DAPK2: variants seen among roughly 807,000 people sequenced by gnomAD.
DAPK2 encodes death-associated protein kinase 2.
A neutral mutation model predicts 44.1 loss-of-function variants in DAPK2; 35 were observed. The observed-to-expected ratio is 0.79, with a 90% CI of 0.61 to 1.05. The LOEUF is 1.05. Among genes scored for constraint, DAPK2 ranks in the 50% least tolerant of loss-of-function variants. DAPK2 has a pLI of 0.00. For missense variants in DAPK2, 453 were observed against 483.2 expected, an observed-to-expected ratio of 0.94 and a Z score of 0.59; for synonymous variants, 174 against 182.6, an observed-to-expected ratio of 0.95 and a Z score of 0.38.
chr15:63,952,017 A>G (rs1344422430), intron 3 of DAPK2, among the ~76,000 whole-genome samples: 1 of 152,154 alleles, frequency 6.6e-6, no homozygotes, highest in East Asian at 1.9e-4. Context: ...AGGCGGGCGG[A>G]TCACTTGAGG....
intron 2 of DAPK2, among the ~76,000 whole-genome samples, chr15:63,973,823 A>T (rs1306129758): frequency 6.6e-6 from 1 of 152,200 alleles, no homozygotes. Context: ...GCCAGAAACT[A>T]AAGACCTAGG....
At chr15:64,001,811 G>A (rs1258367972) in intron 1 of DAPK2, among the ~76,000 whole-genome samples, 1 of 152,178 alleles carries the variant, frequency 6.6e-6, no homozygotes, top group Non-Finnish European at 1.5e-5. Context: ...ATTAAAGTTT[G>A]AGAAGTGCTG....
chr15:63,929,425 G>T, intron 6 of DAPK2, 126 bp downstream of exon 7: 2 of 1,257,102 alleles, frequency 1.6e-6, no homozygotes, highest in Non-Finnish European at 2.3e-6. Context: ...TTGCTGTGTG[G>T]ACTTAACACA....
rs2078710413 is a variant in DAPK2 at position 63,908,811 on chromosome 15, A to G, written c.1033-211T>C. The G allele has an allele frequency of 4.9e-6, 2 of 408,386 alleles. No individual in the cohort carries two copies. The highest frequency in any genetic ancestry group is 8.7e-6 in the Non-Finnish European group (2 of 228,574). 25.3% of individuals were successfully genotyped at this position (408,386 alleles called of 1,614,324 possible). On this transcript the variant is annotated intron_variant, in intron 10 of 10. Transcript: ENST00000261891. The surrounding 1 kb of genome is among the most constrained non-coding windows in gnomAD (Gnocchi z 5.7). The stretch of plus-strand genomic sequence containing the variant: ...CAGACCAACTGCTTGGAGGAAGGAA[A>G]GCAGCAGGGCATCTAAGGGAAACCA...
Position 63,912,273 on chromosome 15 carries a change from C to T in DAPK2, c.859-76G>A. 1.4e-6 allele frequency: 2 copies of T among 1,449,550 alleles called. No individual in the cohort carries two copies. Among genetic ancestry groups the T allele is most frequent in the South Asian group, 2.3e-5 (2 of 85,384 alleles). The allele number at this position is 1,449,550 out of a possible 1,614,324, so 89.8% of individuals were successfully genotyped here. The stretch of plus-strand genomic sequence containing the variant: ...CCACCCTCCTCGCCGCAGAACTCCC[C>T]ACCCACCGCATGCCCACCGCCCTTG... On this transcript the variant is annotated intron_variant, in intron 8 of 10. Transcript: ENST00000261891. The surrounding 1 kb of genome is among the most constrained non-coding windows in gnomAD (Gnocchi z 4.4).
intron 3 of DAPK2, among the ~76,000 whole-genome samples, chr15:63,949,496 G>A (rs117835916): frequency 0.028 from 4,276 of 152,270 alleles, 90 homozygotes; most frequent in South Asian, 0.091. Flanking sequence ...GGTGAGGCTG[G>A]GATGGATGTT....
At chr15:64,010,219 A>G (rs1275042474) in intron 1 of DAPK2, among the ~76,000 whole-genome samples, 2 of 152,204 alleles carry the variant, frequency 1.3e-5, no homozygotes, top group African/African-American at 4.8e-5. Flanking sequence ...AAGCCCTCTG[A>G]GGATTCTAAT....
chr15:63,925,117 G>A (rs148817901), intron 7 of DAPK2, among the ~76,000 whole-genome samples: 18 of 152,280 alleles, frequency 1.2e-4, no homozygotes, highest in African/African-American at 4.1e-4. Context: ...AAAGCTGAAA[G>A]GCCTAAGAAG....
At chr15:63,925,995 T>C (rs754984894) in exon 7 of DAPK2, 1 of 1,614,242 alleles carries the variant, frequency 6.2e-7, no homozygotes, top group Non-Finnish European at 8.5e-7. Flanking sequence ...CTCGCTCGTC[T>C]GGCTGAAGAA....
intron 3 of DAPK2, among the ~76,000 whole-genome samples, chr15:63,955,981 T>C (rs534467655): frequency 1.6e-4 from 24 of 152,360 alleles, no homozygotes; most frequent in African/African-American, 5.5e-4. Context: ...TTACTTGTTA[T>C]TGGTGTGCAG....
At chr15:64,029,001 A>G (rs1320659546) in intron 1 of DAPK2, among the ~76,000 whole-genome samples, 1 of 152,206 alleles carries the variant, frequency 6.6e-6, no homozygotes, top group Non-Finnish European at 1.5e-5. Flanking sequence ...AAAGGTACAT[A>G]TTTAAAAACA....
At chr15:63,957,791 G>A (rs914639036) in intron 3 of DAPK2, among the ~76,000 whole-genome samples, 5 of 152,030 alleles carry the variant, frequency 3.3e-5, no homozygotes, top group Admixed American at 3.3e-4. Flanking sequence ...AGTCTTTGCT[G>A]TTGTGAATAG....
At chr15:63,962,850 C>T (rs191465355) in intron 3 of DAPK2, among the ~76,000 whole-genome samples, 27 of 152,360 alleles carry the variant, frequency 1.8e-4, no homozygotes, top group African/African-American at 6.5e-4. Flanking sequence ...AAACTCCATG[C>T]TGGGAGAACC....
chr15:64,045,056 T>G (rs1434548111), upstream of DAPK2, among the ~76,000 whole-genome samples: 1 of 152,102 alleles, frequency 6.6e-6, no homozygotes, highest in Non-Finnish European at 1.5e-5. Context: ...CAAGAAAAAC[T>G]TGGTCTCTCT....
intron 1 of DAPK2, among the ~76,000 whole-genome samples, chr15:64,016,858 AG>A (rs2079544527): frequency 1.5e-5 from 2 of 131,886 alleles, no homozygotes; most frequent in Non-Finnish European, 3.5e-5. Context: ...GAAGGAAGGA[AG>A]GAAGGAAGGA....
chr15:63,959,815 T>C (rs1404128658), intron 3 of DAPK2, among the ~76,000 whole-genome samples: 9 of 152,204 alleles, frequency 5.9e-5, no homozygotes, highest in Admixed American at 2.0e-4. Flanking sequence ...TCTAAAATTC[T>C]CTTTTTTGTT....
chr15:64,014,016 C>T (rs1365793929), intron 1 of DAPK2, among the ~76,000 whole-genome samples: 1 of 152,214 alleles, frequency 6.6e-6, no homozygotes, highest in Non-Finnish European at 1.5e-5. Flanking sequence ...TGCCAGAGGC[C>T]TTGCTGAGGT....
At chr15:63,999,037 G>C (rs4776705) in intron 1 of DAPK2, among the ~76,000 whole-genome samples, 148,814 of 152,264 alleles carry the variant, frequency 0.98, 72,806 homozygotes, top group East Asian at 1. Flanking sequence ...TTTTCTACCT[G>C]CCAATCCCCC....
chr15:63,999,237 C>G (rs1235477314), intron 1 of DAPK2, among the ~76,000 whole-genome samples: 1 of 152,180 alleles, frequency 6.6e-6, no homozygotes, highest in Non-Finnish European at 1.5e-5. Context: ...CTCTCCAGCC[C>G]AGGAATGATC....
Sources: allele counts gnomAD v4.1 joint callset (sites outside exome capture counted in the v4.1 genomes callset), GRCh38; gene constraint gnomAD v4.1.1; non-coding constraint Gnocchi (gnomAD v3.1); transcripts MANE v1.5; gene names NCBI Gene and HGNC (gene_info 2026-07-23, HGNC 2026-07-21).